Variants in ROR1 observed in about 807,000 individuals in gnomAD.
ROR1 encodes the protein ROR family WNT receptor 1.
ROR1 carries 19 observed loss-of-function variants against 78.8 expected under a neutral mutation model. The ratio of observed to expected loss-of-function variants is 0.24; its 90% confidence interval spans 0.17 to 0.35. The LOEUF (loss-of-function observed/expected upper bound fraction) is 0.35, where lower values mean the gene tolerates loss of function less well. Among genes scored for constraint, ROR1 ranks in the 10% least tolerant of loss-of-function variants. The pLI, the probability that ROR1 is intolerant of heterozygous loss-of-function variation, is 1.00. For missense variants in ROR1, 917 were observed against 1,177.8 expected, an observed-to-expected ratio of 0.78 and a Z score of 3.24; for synonymous variants, 386 against 433.6, an observed-to-expected ratio of 0.89 and a Z score of 1.36.
chr1:64,025,546 A>T (rs1440870653), intron 2 of ROR1, among the ~76,000 whole-genome samples: 2 of 152,212 alleles, frequency 1.3e-5, no homozygotes, highest in Non-Finnish European at 2.9e-5. Context: ...TATCAGTCCA[A>T]ATGCCCATCA....
At chr1:64,003,144 CAG>C (rs71658635) in intron 1 of ROR1, among the ~76,000 whole-genome samples, 4,441 of 152,222 alleles carry the variant, frequency 0.029, 245 homozygotes, top group African/African-American at 0.1. Context: ...TGAGCACAAG[CAG>C]AGTCTTTTGG....
At chr1:63,852,366 C>T (rs1033430268) in intron 1 of ROR1, among the ~76,000 whole-genome samples, 6 of 152,330 alleles carry the variant, frequency 3.9e-5, no homozygotes, top group Non-Finnish European at 2.9e-5. Flanking sequence ...TTATTCTCAT[C>T]CTGCCCTCCT....
chr1:63,875,027 C>A (rs1172207247), intron 1 of ROR1, among the ~76,000 whole-genome samples: 2 of 152,114 alleles, frequency 1.3e-5, no homozygotes, highest in Non-Finnish European at 2.9e-5. Flanking sequence ...TTGGGGCCAC[C>A]ATGCCTTAGA....
At chr1:63,892,262 C>T (rs139468521) in intron 1 of ROR1, among the ~76,000 whole-genome samples, 9 of 152,096 alleles carry the variant, frequency 5.9e-5, no homozygotes, top group Admixed American at 1.3e-4. Flanking sequence ...TAGATGTGTA[C>T]GGGGGAGCTG....
At chr1:64,163,663 C>T (rs1369336935) in intron 8 of ROR1, among the ~76,000 whole-genome samples, 1 of 152,178 alleles carries the variant, frequency 6.6e-6, no homozygotes, top group Admixed American at 6.5e-5. Flanking sequence ...TTTTCACTTC[C>T]AGACAATTCA....
At position 64,111,120 on chromosome 1, in the gene ROR1, T is replaced by C. The variant is rs139940199; in HGVS notation, c.483-26249T>C. 3 of 152,310 alleles carry C rather than the reference T, an allele frequency of 2.0e-5. No individual in the cohort carries two copies. In the East Asian group the frequency reaches 5.8e-4, roughly 29 times the overall value. The allele number at this position is 152,310 out of a possible 1,614,324, so 9.4% of individuals were successfully genotyped here. On this transcript the variant is annotated intron_variant, in intron 4 of 8. Coordinates refer to ENST00000371079, the MANE Select transcript of ROR1 (RefSeq NM_005012.4). ...CCTAGAGATTTCCTTACCAGCAGCA[T>C]TCTTATGTTTTTACTAAAACTTCTC...
chr1:63,813,702 CTCTG>C (rs1487261033), intron 1 of ROR1, among the ~76,000 whole-genome samples: 1 of 152,220 alleles, frequency 6.6e-6, no homozygotes, highest in Non-Finnish European at 1.5e-5. Flanking sequence ...ATGGACTTCT[CTCTG>C]TCTAAGGGCA....
chr1:63,896,832 C>G (rs1385671603), intron 1 of ROR1, among the ~76,000 whole-genome samples: 1 of 152,122 alleles, frequency 6.6e-6, no homozygotes, highest in Non-Finnish European at 1.5e-5. Context: ...CACCTTGGAG[C>G]CTTATTTCAG....
Position 63,774,155 on chromosome 1 carries a change from C to T in ROR1, c.-263C>T. ...CCAGGGCGACTCACGCCCACTGGTG[C>T]GACCCGGACAGCCTGGGACTGACCC... On this transcript the variant is annotated 5_prime_UTR_variant, in exon 1 of 9. Transcript: ENST00000371079. The surrounding 1 kb of genome is among the most constrained non-coding windows in gnomAD (Gnocchi z 5.7). The T allele has an allele frequency of 1.5e-5, 3 of 206,050 alleles. No individual in the cohort carries two copies. Among genetic ancestry groups the T allele is most frequent in the East Asian group, 1.1e-4 (1 of 8,744 alleles). The allele number at this position is 206,050 out of a possible 1,614,324, so 12.8% of individuals were successfully genotyped here. A position where few individuals can be genotyped will look rare whatever the true frequency, so the allele number is the denominator to read the frequency against.
chr1:64,050,781 G>A, intron 4 of ROR1, 65 bp downstream of exon 4: 14 of 1,503,174 alleles, frequency 9.3e-6, no homozygotes, highest in Non-Finnish European at 1.2e-5. Context: ...TAGGGCAAAA[G>A]CAATGTTGTC....
intron 2 of ROR1, among the ~76,000 whole-genome samples, chr1:64,048,441 A>G (rs915098849): frequency 2.0e-5 from 3 of 152,116 alleles, no homozygotes; most frequent in African/African-American, 7.2e-5. Context: ...CCCTGCCCTT[A>G]TGGGGCTGAT....
intron 1 of ROR1, chr1:63,789,034 C>G (rs1395218958): frequency 9.5e-6 from 6 of 630,948 alleles, no homozygotes; most frequent in Admixed American, 7.3e-5. Flanking sequence ...GTGACCTTCT[C>G]TGGCATCCGG....
At chr1:64,163,924 A>C (rs964362908) in intron 8 of ROR1, among the ~76,000 whole-genome samples, 11 of 152,106 alleles carry the variant, frequency 7.2e-5, no homozygotes, top group Non-Finnish European at 1.6e-4. Context: ...TTCTATTAAC[A>C]TGGGCCTCTT....
At chr1:63,780,266 T>C (rs1644642871) in intron 1 of ROR1, among the ~76,000 whole-genome samples, 1 of 152,116 alleles carries the variant, frequency 6.6e-6, no homozygotes, top group African/African-American at 2.4e-5. Context: ...TGGACTTCCT[T>C]TGATAGCTGC....
chr1:64,162,853 T>G (rs1440390922), intron 8 of ROR1, among the ~76,000 whole-genome samples: 1 of 152,174 alleles, frequency 6.6e-6, no homozygotes. Context: ...TAAATTCCCT[T>G]CTCTGTTTCT....
intron 1 of ROR1, among the ~76,000 whole-genome samples, chr1:63,821,169 C>T (rs550538802): frequency 1.2e-4 from 19 of 152,170 alleles, no homozygotes; most frequent in Non-Finnish European, 2.4e-4. Context: ...GCAAGGTGCT[C>T]TGCATAATTC....
At chr1:63,898,767 C>CTGT (rs1645462055) in intron 1 of ROR1, among the ~76,000 whole-genome samples, 1 of 151,908 alleles carries the variant, frequency 6.6e-6, no homozygotes, top group Non-Finnish European at 1.5e-5. Flanking sequence ...TGTGTGGCGC[C>CTGT]GTACTCACTG....
chr1:64,016,583 T>G (rs1646522090), intron 2 of ROR1, among the ~76,000 whole-genome samples: 1 of 151,998 alleles, frequency 6.6e-6, no homozygotes, highest in African/African-American at 2.4e-5. Flanking sequence ...GTAACCTGTT[T>G]CCTCCTTGCA....
chr1:64,042,905 T>C (rs981278228), intron 2 of ROR1, among the ~76,000 whole-genome samples: 1 of 152,244 alleles, frequency 6.6e-6, no homozygotes, highest in African/African-American at 2.4e-5. Context: ...CTAACTGTGT[T>C]TGGCAGCCTT....
Sources: allele counts gnomAD v4.1 joint callset (sites outside exome capture counted in the v4.1 genomes callset), GRCh38; gene constraint gnomAD v4.1.1; non-coding constraint Gnocchi (gnomAD v3.1); transcripts MANE v1.5; gene names NCBI Gene and HGNC (gene_info 2026-07-23, HGNC 2026-07-21).